ERCC6L2: variants seen among roughly 807,000 people sequenced by gnomAD.
ERCC6L2 encodes the protein ERCC excision repair 6 like 2.
A neutral mutation model predicts 132.0 loss-of-function variants in ERCC6L2; 77 were observed. The observed-to-expected ratio is 0.58, with a 90% CI of 0.49 to 0.71. The LOEUF is 0.71. ERCC6L2 is among the 30% of genes least tolerant of loss of function. The pLI, the probability that ERCC6L2 is intolerant of heterozygous loss-of-function variation, is 0.00. For synonymous variants in ERCC6L2, 583 were observed against 632.4 expected (o/e 0.92, Z 1.17); for missense variants, 1,542 against 1,837.6 (o/e 0.84, Z 2.94).
intron 11 of ERCC6L2, among the ~76,000 whole-genome samples, chr9:95,939,065 T>C (rs867537685): frequency 6.6e-6 from 1 of 152,144 alleles, no homozygotes; most frequent in African/African-American, 2.4e-5. Flanking sequence ...TACTTACATT[T>C]AAGCTTCTTT....
chr9:95,918,463 C>T (rs566364136), intron 6 of ERCC6L2: 14 of 478,908 alleles, frequency 2.9e-5, no homozygotes, highest in East Asian at 1.8e-4. Flanking sequence ...TCAGGTCCTG[C>T]AGGTCTGTTG....
chr9:95,971,999 G>A lies in ERCC6L2; in HGVS notation c.2248G>A (p.Ala750Thr). ...EQAAEPLAKE[A>T]CDLCSDFSDE... ...AGCTGCAGAGCCACTGGCAAAGGAAGCATGTGATCTCTGCAGTGACTTCAG... is the reference window on the plus strand; with the variant it reads ...AGCTGCAGAGCCACTGGCAAAGGAAACATGTGATCTCTGCAGTGACTTCAG... The change falls in exon 16 of 19, where the codon GCA becomes ACA. Residue 750 changes from alanine to threonine, a missense_variant. By Grantham distance (58) the Ala-to-Thr change is moderately conservative. This residue lies in a region of ERCC6L2 where 945 missense variants were observed against 1,105.2 expected (regional missense o/e 0.86). Transcript: ENST00000653738. 1 of 1,304,194 alleles carries A rather than the reference G, an allele frequency of 7.7e-7. No individual in the cohort carries two copies. Among genetic ancestry groups the A allele is most frequent in the Non-Finnish European group, 1.0e-6 (1 of 988,918 alleles). The allele number at this position is 1,304,194 out of a possible 1,614,324, so 80.8% of individuals were successfully genotyped here.
chr9:95,957,212 T>G (rs1202046227), intron 13 of ERCC6L2, among the ~76,000 whole-genome samples: 1 of 152,196 alleles, frequency 6.6e-6, no homozygotes, highest in Non-Finnish European at 1.5e-5. Flanking sequence ...CGTGTAATCA[T>G]AAATATTACA....
chr9:95,941,183 T>C (rs958368059), intron 11 of ERCC6L2, among the ~76,000 whole-genome samples: 5 of 152,154 alleles, frequency 3.3e-5, no homozygotes, highest in African/African-American at 1.2e-4. Context: ...AGAAGTAGTA[T>C]TTGAGTATCA....
At chr9:95,930,733 T>G (rs7850319) in intron 11 of ERCC6L2, among the ~76,000 whole-genome samples, 3,836 of 152,274 alleles carry the variant, frequency 0.025, 134 homozygotes, top group African/African-American at 0.075. Flanking sequence ...ATCCCGTGTC[T>G]TCTTCTTTCT....
At chr9:95,957,369 G>A (rs1474606751) in intron 13 of ERCC6L2, among the ~76,000 whole-genome samples, 3 of 142,546 alleles carry the variant, frequency 2.1e-5, no homozygotes, top group Admixed American at 2.1e-4. Context: ...AGCAGTTTTT[G>A]TTTTGTCTTA....
intron 11 of ERCC6L2, among the ~76,000 whole-genome samples, chr9:95,939,205 A>G (rs149572665): frequency 2.5e-3 from 375 of 151,940 alleles, no homozygotes; most frequent in African/African-American, 8.4e-3. Context: ...GAAATAAAAT[A>G]GTATTTATAT....
intron 13 of ERCC6L2, among the ~76,000 whole-genome samples, chr9:95,965,039 A>G (rs1027423033): frequency 2.0e-5 from 3 of 152,186 alleles, no homozygotes; most frequent in Non-Finnish European, 2.9e-5. Context: ...TATCACTTGT[A>G]TCAATTGTTA....
rs146922933 is a variant in ERCC6L2, at chr9:95,926,813, A to C, written c.1534-1266A>C. ...AATAATGTATCAATATTCACTCATCAGTTGTTACAAATAAACCACACCAAT... is the reference window on the plus strand; with the variant it reads ...AATAATGTATCAATATTCACTCATCCGTTGTTACAAATAAACCACACCAAT... On this transcript the variant is annotated intron_variant, in intron 9 of 18. Coordinates refer to ENST00000653738, the MANE Select transcript of ERCC6L2 (RefSeq NM_020207.7). Among the ~76,000 whole-genome samples, 15 of 152,262 alleles carry C rather than the reference A, an allele frequency of 9.9e-5. No individual in the cohort carries two copies. In the East Asian group the frequency reaches 2.9e-3, roughly 29 times the overall value.
At chr9:95,900,479 T>C (rs944357470) in intron 3 of ERCC6L2, among the ~76,000 whole-genome samples, 1 of 152,206 alleles carries the variant, frequency 6.6e-6, no homozygotes, top group Non-Finnish European at 1.5e-5. Context: ...AAATTATCTG[T>C]GGCCCTAATT....
At chr9:95,892,940 G>T (rs776800865) in intron 2 of ERCC6L2, among the ~76,000 whole-genome samples, 1 of 152,038 alleles carries the variant, frequency 6.6e-6, no homozygotes, top group African/African-American at 2.4e-5. Flanking sequence ...TAATTCTTAT[G>T]TATGGATTTG....
At chr9:95,895,712 A>G (rs1407083761) in intron 2 of ERCC6L2, among the ~76,000 whole-genome samples, 3 of 150,906 alleles carry the variant, frequency 2.0e-5, no homozygotes, top group Non-Finnish European at 2.9e-5. Flanking sequence ...TGACTCATAT[A>G]CATTTGTTGT....
rs759988195 is a variant in ERCC6L2, at chr9:95,881,155, T to A, written c.333T>A (p.Asn111Lys). 15 of 1,613,660 alleles carry A rather than the reference T, an allele frequency of 9.3e-6. No homozygotes were observed. The African/African-American group carries it at 1.7e-4, about 19-fold the overall frequency. Residue 111 changes from asparagine to lysine, a missense_variant, in exon 2 of 19, where the codon AAT becomes AAA. Physicochemically the swap from Asn to Lys is moderately conservative, Grantham distance 94. Coordinates refer to ENST00000653738, the MANE Select transcript of ERCC6L2 (RefSeq NM_020207.7). ...SSSVAFKLSD[N>K]GDSIPYTINR... ...CTGTTGCTTTTAAATTATCTGACAA[T>A]GGAGACTCTATTCCTTATACCATCA...
At chr9:95,882,865 C>T (rs1042761626) in intron 2 of ERCC6L2, among the ~76,000 whole-genome samples, 3 of 152,268 alleles carry the variant, frequency 2.0e-5, no homozygotes, top group East Asian at 1.9e-4. Context: ...TTACCTTCTT[C>T]GTTTATTCCA....
At chr9:96,036,451 C>T (rs1489062279) in intron 19 of ERCC6L2, among the ~76,000 whole-genome samples, 1 of 152,210 alleles carries the variant, frequency 6.6e-6, no homozygotes, top group East Asian at 1.9e-4. Context: ...GGGTTGTCCA[C>T]CTCATGGGTG....
In ERCC6L2 at chr9:95,880,990, T is replaced by G; in HGVS notation, c.168T>G (p.Tyr56Ter). 1.2e-6 allele frequency: 2 copies of G among 1,614,048 alleles called. No individual in the cohort carries two copies. The highest frequency in any genetic ancestry group is 1.7e-5 in the Admixed American group (1 of 60,022). ...ENGKSFAVVL[Y>*]ADFQERKIPL... ...GCAAGTCATTTGCAGTCGTCTTATA[T>G]GCAGATTTTCAAGAAAGGAAAATAC... The change falls in exon 2 of 19, where the codon TAT (tyrosine) becomes TAG (stop). Residue 56 changes from tyrosine to a stop codon, truncating the protein, a stop_gained. Transcript: ENST00000653738. LOFTEE classifies it high-confidence loss of function.
intron 8 of ERCC6L2, among the ~76,000 whole-genome samples, chr9:95,922,953 A>G (rs945038639): frequency 2.0e-5 from 3 of 152,132 alleles, no homozygotes; most frequent in African/African-American, 7.2e-5. Context: ...TTGAAATCTC[A>G]TAAGAATTTG....
At chr9:95,937,188 G>A (rs1830596210) in intron 11 of ERCC6L2, among the ~76,000 whole-genome samples, 1 of 152,300 alleles carries the variant, frequency 6.6e-6, no homozygotes, top group South Asian at 2.1e-4. Flanking sequence ...CGTTTTATAA[G>A]AAATTGCTAA....
chr9:95,957,810 C>T (rs906775673), intron 13 of ERCC6L2, among the ~76,000 whole-genome samples: 2 of 151,386 alleles, frequency 1.3e-5, no homozygotes, highest in Non-Finnish European at 2.9e-5. Flanking sequence ...CAATGGAGCA[C>T]ACCTTCTAGC....
Sources: allele counts gnomAD v4.1 joint callset (sites outside exome capture counted in the v4.1 genomes callset), GRCh38; gene constraint gnomAD v4.1.1; regional missense constraint gnomAD v4.1.1; transcripts MANE v1.5; gene names NCBI Gene and HGNC (gene_info 2026-07-23, HGNC 2026-07-21).